The following SLC4A7 variants were observed in gnomAD, a reference collection of about 807,000 sequenced individuals.
SLC4A7 encodes solute carrier family 4 member 7.
Under a neutral mutation model 137.6 loss-of-function variants are expected in SLC4A7, and 51 were observed. The ratio of observed to expected loss-of-function variants is 0.37; its 90% CI spans 0.30 to 0.47. SLC4A7 has a LOEUF of 0.47. SLC4A7 is among the 20% of genes least tolerant of loss of function. The probability of loss-of-function intolerance (pLI) is 1.00; values close to 1 mark genes in which losing one functional copy is unlikely to be tolerated. For missense variants in SLC4A7, 1,247 were observed against 1,525.4 expected, an observed-to-expected ratio of 0.82 and a Z score of 3.04; for synonymous variants, 542 against 518.6, an observed-to-expected ratio of 1.05 and a Z score of -0.61.
intron 1 of SLC4A7, among the ~76,000 whole-genome samples, chr3:27,483,769 C>T (rs2059821660): frequency 6.6e-6 from 1 of 151,940 alleles, no homozygotes; most frequent in Non-Finnish European, 1.5e-5. Context: ...TGGTCGGGGT[C>T]ACAGGCGGCC....
At chr3:27,408,767 A>AG (rs2053627976) in intron 13 of SLC4A7, among the ~76,000 whole-genome samples, 1 of 152,230 alleles carries the variant, frequency 6.6e-6, no homozygotes, top group South Asian at 2.1e-4. Context: ...CTTTCATTTT[A>AG]GTCATATCAA....
intron 1 of SLC4A7, among the ~76,000 whole-genome samples, chr3:27,460,349 A>G (rs915371353): frequency 6.6e-6 from 1 of 152,108 alleles, no homozygotes; most frequent in Non-Finnish European, 1.5e-5. Flanking sequence ...ATTTTTTTGT[A>G]TCAAGGTGCA....
intron 1 of SLC4A7, among the ~76,000 whole-genome samples, chr3:27,459,992 C>T (rs9852985): frequency 0.36 from 26,887 of 74,376 alleles, 2,645 homozygotes; most frequent in East Asian, 0.47. Flanking sequence ...TATATATATA[C>T]ACACACACAC....
rs149192782 is a variant in SLC4A7, at chr3:27,383,163, G to A, written c.3580C>T (p.Leu1194=). ...AAAGTCATATCTCACCTATATTTTA[G>A]GGCCTTGACTGGAATTTGCAAGAGA... ...GSLLQIPVKA[L]KYSVDPSIVN... The change falls in exon 24 of 26, where the codon CTA becomes TTA. Residue 1194 remains leucine, a synonymous_variant. Coordinates refer to ENST00000454389, the MANE Select transcript of SLC4A7 (RefSeq NM_001321103.2). 196 of 1,605,894 alleles carry A rather than the reference G, an allele frequency of 1.2e-4. No individual in the cohort carries two copies. The highest frequency in any genetic ancestry group is 1.8e-4 in the South Asian group (16 of 90,798).
Position 27,431,327 on chromosome 3 carries a change from T to C in SLC4A7, c.1121A>G (p.Lys374Arg), listed in dbSNP as rs527733380. 17 of 1,601,498 alleles carry C rather than the reference T, an allele frequency of 1.1e-5. No homozygotes were observed. The South Asian group carries it at 1.8e-4, about 17-fold the overall frequency. The change falls in exon 7 of 26, where the codon AAG becomes AGG. Residue 374 changes from lysine (K) to arginine (R), a missense_variant. Around this residue, in one of 6 missense-constraint regions of SLC4A7, gnomAD observed 499 missense variants for 664.2 expected, o/e 0.75. Transcript: ENST00000454389. ...AGTTAAGTCAACATTTTCCTCATTC[T>C]TCTGCTCCTCGCCTTTCAGCGCTGC... ...LEAALKGEEQ[K>R]NEENVDLTPG...
rs2049849337 is a variant in SLC4A7, at chr3:27,375,609, T to C, written c.*1155A>G. 6.6e-6 allele frequency: 1 copy of C among 152,426 alleles called. No individual in the cohort carries two copies. The highest frequency in any genetic ancestry group is 1.5e-5 in the Non-Finnish European group (1 of 67,876). 9.4% of individuals were successfully genotyped at this position (152,426 alleles called of 1,614,324 possible). ...GTAAAATCTATCAATTGCTTTAAGA[T>C]AATAAACATAAATGAAAGTAAGCAC... On this transcript the variant is annotated 3_prime_UTR_variant, in exon 26 of 26. Transcript: ENST00000454389.
intron 1 of SLC4A7, among the ~76,000 whole-genome samples, chr3:27,482,599 C>A (rs566662701): frequency 1.8e-4 from 27 of 152,148 alleles, no homozygotes; most frequent in Admixed American, 1.6e-3. Flanking sequence ...GGCAAAACCC[C>A]GTCTCTACTA....
chr3:27,471,203 C>G (rs1273532318), intron 1 of SLC4A7, among the ~76,000 whole-genome samples: 1 of 152,166 alleles, frequency 6.6e-6, no homozygotes, highest in Non-Finnish European at 1.5e-5. Context: ...TTATAATCCA[C>G]TAAATTGTTT....
At position 27,433,979 on chromosome 3, in the gene SLC4A7, G is replaced by C; in HGVS notation, c.715C>G (p.Leu239Val). 2 of 1,613,890 alleles carry C rather than the reference G, an allele frequency of 1.2e-6. No homozygotes were observed. Among genetic ancestry groups the C allele is most frequent in the Non-Finnish European group, 8.5e-7 (1 of 1,179,890 alleles). The change falls in exon 6 of 26, where the codon CTT (leucine) becomes GTT (valine). Residue 239 changes from leucine to valine, a missense_variant. This residue lies in a region of SLC4A7 where 223 missense variants were observed against 203.6 expected (regional missense o/e 1.10). Transcript: ENST00000454389. ...NEKRFTSRIP[L>V]VRSFADIGKK... ...CCTATATCTGCAAAAGATCGAACAA[G>C]AGGAATCCGACTGGTGAATCTTTTC...
At chr3:27,409,282 T>C in intron 13 of SLC4A7, 74 bp downstream of exon 13, 3 of 1,160,164 alleles carry the variant, frequency 2.6e-6, no homozygotes, top group South Asian at 1.6e-5. Flanking sequence ...AAAGTATGAA[T>C]AGTGAGACAA....
At chr3:27,443,021 T>TATC (rs2057323122) in intron 3 of SLC4A7, among the ~76,000 whole-genome samples, 1 of 134,718 alleles carries the variant, frequency 7.4e-6, no homozygotes, top group Non-Finnish European at 1.5e-5. Context: ...CATTCTCTTT[T>TATC]TTCTTTTTTT....
chr3:27,478,849 A>AG (rs200336360), intron 1 of SLC4A7, among the ~76,000 whole-genome samples: 1,551 of 150,040 alleles, frequency 0.01, 9 homozygotes, highest in South Asian at 0.017. Flanking sequence ...AAAAAAAAAA[A>AG]AGAGAGAGAG....
rs994157099 is a variant in SLC4A7 at position 27,399,578 on chromosome 3, G to A, written c.2427+1186C>T. Among the ~76,000 whole-genome samples, 8 of 152,150 alleles carry A rather than the reference G, an allele frequency of 5.3e-5. 1 individual carries two copies. The South Asian group carries it at 1.0e-3, about 20-fold the overall frequency. On this transcript the variant is annotated intron_variant, in intron 16 of 25. Transcript: ENST00000454389. ...GCCTCCCAGTAAGTTAGCTACAGGC[G>A]CGAGTCACCATACCAGGGTAATTTT...
At chr3:27,442,458 G>A (rs1055320073) in intron 3 of SLC4A7, among the ~76,000 whole-genome samples, 1 of 99,456 alleles carries the variant, frequency 1.0e-5, no homozygotes, top group Non-Finnish European at 2.1e-5. Flanking sequence ...TTTTTTTTTT[G>A]AGACAGCGTC....
chr3:27,442,000 C>T (rs1184522566), intron 3 of SLC4A7, among the ~76,000 whole-genome samples: 2 of 151,866 alleles, frequency 1.3e-5, no homozygotes, highest in Admixed American at 6.6e-5. Flanking sequence ...GATTCTCCTG[C>T]CTCAGCCTCC....
At chr3:27,452,004 T>C (rs528971352) in intron 2 of SLC4A7, among the ~76,000 whole-genome samples, 3 of 152,268 alleles carry the variant, frequency 2.0e-5, no homozygotes, top group South Asian at 2.1e-4. Flanking sequence ...TACAACTCTA[T>C]GGAGAGGTTA....
At chr3:27,395,925 A>G (rs766110553) in intron 18 of SLC4A7, among the ~76,000 whole-genome samples, 13 of 152,206 alleles carry the variant, frequency 8.5e-5, no homozygotes, top group Non-Finnish European at 1.6e-4. Flanking sequence ...GAACTGGTCC[A>G]CAATACATGG....
intron 1 of SLC4A7, among the ~76,000 whole-genome samples, chr3:27,472,746 C>T (rs538990792): frequency 6.6e-6 from 1 of 152,140 alleles, no homozygotes; most frequent in Admixed American, 6.5e-5. Context: ...GAAACAATTT[C>T]TATTTGTATC....
chr3:27,461,964 A>T (rs1328665710), intron 1 of SLC4A7, among the ~76,000 whole-genome samples: 9 of 152,136 alleles, frequency 5.9e-5, no homozygotes, highest in Non-Finnish European at 1.2e-4. Flanking sequence ...CATCTCAAAA[A>T]AAAGATGATG....
Sources: allele counts gnomAD v4.1 joint callset (sites outside exome capture counted in the v4.1 genomes callset), GRCh38; gene constraint gnomAD v4.1.1; regional missense constraint gnomAD v4.1.1; transcripts MANE v1.5; gene names NCBI Gene and HGNC (gene_info 2026-07-23, HGNC 2026-07-21).